Variants in OTUD7B observed in about 807,000 individuals in gnomAD.
OTUD7B encodes OTU deubiquitinase 7B, also known as OTU domain-containing protein 7B.
Under a neutral mutation model 82.2 loss-of-function variants are expected in OTUD7B, and 34 were observed. That is an observed-to-expected ratio of 0.41 (90% confidence interval 0.31 to 0.55). The LOEUF (loss-of-function observed/expected upper bound fraction) is 0.55. Among genes scored for constraint, OTUD7B ranks in the 20% least tolerant of loss-of-function variants. The pLI is 0.20. For missense variants in OTUD7B, 944 were observed against 1,062.1 expected, an observed-to-expected ratio of 0.89 and a Z score of 1.55; for synonymous variants, 398 against 402.7, an observed-to-expected ratio of 0.99 and a Z score of 0.14.
At chr1:149,985,557 G>A (rs1651072484) in intron 1 of OTUD7B, among the ~76,000 whole-genome samples, 1 of 152,046 alleles carries the variant, frequency 6.6e-6, no homozygotes, top group African/African-American at 2.4e-5. Context: ...GAGCAATGTA[G>A]CAAGAACCCA....
chr1:149,940,811 A>G lies in OTUD7B; in HGVS notation c.*3046T>C, dbSNP rs1321096534. 5 of 151,862 alleles carry G rather than the reference A, an allele frequency of 3.3e-5. No homozygotes were observed. Among genetic ancestry groups the G allele is most frequent in the African/African-American group, 1.2e-4 (5 of 41,286 alleles). 9.4% of individuals were successfully genotyped at this position (151,862 alleles called of 1,614,324 possible). A position where few individuals can be genotyped will look rare whatever the true frequency, so the allele number is the denominator to read the frequency against. Reference sequence around the variant, plus strand: ...CTCTTCTATTCCCTCATCTTCCCAAAATACCACAAACCAAGCTGAATCTAT... The same window carrying G: ...CTCTTCTATTCCCTCATCTTCCCAAGATACCACAAACCAAGCTGAATCTAT... On this transcript the variant is annotated 3_prime_UTR_variant, in exon 12 of 12. Transcript: ENST00000581312.
chr1:149,968,678 T>C (rs191199805), intron 3 of OTUD7B, among the ~76,000 whole-genome samples: 208 of 152,310 alleles, frequency 1.4e-3, no homozygotes, highest in African/African-American at 1.5e-3. Context: ...AGTTATCTTA[T>C]AGTGATGTTA....
Position 149,944,515 on chromosome 1 carries a change from T to C in OTUD7B, c.1874A>G (p.Glu625Gly), listed in dbSNP as rs1553771476. Residue 625 changes from glutamate to glycine, a missense_variant, in exon 12 of 12, where the codon GAG becomes GGG. By Grantham distance (98) the Glu-to-Gly change is moderately conservative. Transcript: ENST00000581312. ...AGAAAGGTAGCGCTGGATCATTTCC[T>C]CCTGATACTGGTGACGGTGACCCAT... ...LKMGHRHQYQEEMIQRYLSDA... is the reference protein window; with the variant it reads ...LKMGHRHQYQGEMIQRYLSDA... 3.1e-6 allele frequency: 5 copies of C among 1,614,148 alleles called. No homozygotes were observed. The highest frequency in any genetic ancestry group is 4.2e-6 in the Non-Finnish European group (5 of 1,180,028).
At chr1:149,958,035 C>T (rs1391470242) in intron 7 of OTUD7B, among the ~76,000 whole-genome samples, 1 of 152,198 alleles carries the variant, frequency 6.6e-6, no homozygotes, top group Admixed American at 6.5e-5. Flanking sequence ...TGGGCTATAC[C>T]CACTGTCCAA....
At chr1:150,019,357 TTTTGTTTGTTTG>T in the OTUD7B span, among the ~76,000 whole-genome samples, 4 of 151,916 alleles carry the variant, frequency 2.6e-5, no homozygotes, top group East Asian at 3.9e-4. Flanking sequence ...ATTGTCTTTG[TTTTGTTTGTTTG>T]TTTGTTTGTT....
chr1:149,967,666 T>C, intron 3 of OTUD7B, 145 bp from the exon 4 acceptor site: 1 of 546,562 alleles, frequency 1.8e-6, no homozygotes, highest in Admixed American at 3.7e-5. Flanking sequence ...GAACCCTTTT[T>C]CTGAAGCCAA....
the OTUD7B span, among the ~76,000 whole-genome samples, chr1:150,043,336 C>T: frequency 2.0e-5 from 3 of 152,096 alleles, no homozygotes; most frequent in South Asian, 2.1e-4. Flanking sequence ...TTTAAAGGAA[C>T]GTAGGATATT....
chr1:150,066,793 C>T, the OTUD7B span, among the ~76,000 whole-genome samples: 1 of 152,204 alleles, frequency 6.6e-6, no homozygotes. The surrounding 1 kb of genome is among the most constrained non-coding windows in gnomAD (Gnocchi z 4.6). Flanking sequence ...TCGACAAATG[C>T]CATGATAGAG....
intron 1 of OTUD7B, among the ~76,000 whole-genome samples, chr1:149,987,613 T>C (rs1202855199): frequency 6.6e-6 from 1 of 152,100 alleles, no homozygotes; most frequent in African/African-American, 2.4e-5. Flanking sequence ...TTCCATACAC[T>C]CTCACTCCAC....
At chr1:149,961,357 T>G (rs1205841568) in intron 6 of OTUD7B, 2 of 152,162 alleles carry the variant, frequency 1.3e-5, no homozygotes, top group African/African-American at 2.4e-5. Context: ...TTGTTGTTGT[T>G]TTTTTGTTTG....
At chr1:150,024,014 C>T in the OTUD7B span, among the ~76,000 whole-genome samples, 1 of 152,188 alleles carries the variant, frequency 6.6e-6, no homozygotes, top group Non-Finnish European at 1.5e-5. Context: ...AGTACTATTA[C>T]CTTCCTAATT....
chr1:150,045,864 CAG>C, the OTUD7B span, among the ~76,000 whole-genome samples: 1 of 152,076 alleles, frequency 6.6e-6, no homozygotes, highest in East Asian at 1.9e-4. Flanking sequence ...ATTTATCTTA[CAG>C]AGGATATAAA....
At chr1:150,054,581 G>A in the OTUD7B span, 2 of 408,774 alleles carry the variant, frequency 4.9e-6, no homozygotes, top group Non-Finnish European at 9.6e-6. Flanking sequence ...GCCAAAGCAG[G>A]CAAATCACTT....
At chr1:149,985,076 T>A (rs1651037371) in intron 1 of OTUD7B, among the ~76,000 whole-genome samples, 1 of 152,190 alleles carries the variant, frequency 6.6e-6, no homozygotes, top group Non-Finnish European at 1.5e-5. Flanking sequence ...TTCTAAATTC[T>A]TCAATGGATT....
At position 149,941,369 on chromosome 1, in the gene OTUD7B, T is replaced by G. The variant is rs1362410023; in HGVS notation, c.*2488A>C. 1 of 152,270 alleles carries G rather than the reference T, an allele frequency of 6.6e-6. No individual in the cohort carries two copies. Among genetic ancestry groups the G allele is most frequent in the African/African-American group, 2.4e-5 (1 of 41,412 alleles). 9.4% of individuals were successfully genotyped at this position (152,270 alleles called of 1,614,324 possible). The stretch of plus-strand genomic sequence containing the variant: ...CATTCTATGATATGAAGGCCTAAAT[T>G]AGGAAAGCTAGGTGAGCTGTGCAAA... On this transcript the variant is annotated 3_prime_UTR_variant, in exon 12 of 12. Transcript: ENST00000581312.
chr1:149,968,677 A>G (rs1553777110), intron 3 of OTUD7B, among the ~76,000 whole-genome samples: 2 of 152,198 alleles, frequency 1.3e-5, no homozygotes, highest in African/African-American at 4.8e-5. Flanking sequence ...AAGTTATCTT[A>G]TAGTGATGTT....
intron 6 of OTUD7B, among the ~76,000 whole-genome samples, chr1:149,960,735 C>A (rs1455554228): frequency 1.3e-5 from 2 of 151,770 alleles, no homozygotes; most frequent in Non-Finnish European, 2.9e-5. Flanking sequence ...GAGACTGCCA[C>A]CTGCCCATGG....
intron 1 of OTUD7B, among the ~76,000 whole-genome samples, chr1:150,003,836 T>C (rs1346082954): frequency 6.6e-6 from 1 of 152,172 alleles, no homozygotes; most frequent in Non-Finnish European, 1.5e-5. Flanking sequence ...AGGCCATGAA[T>C]TGCAAAACTG....
chr1:149,977,578 T>C lies in OTUD7B; in HGVS notation c.-66-2A>G. Reference sequence around the variant, plus strand: ...ATAGATCAAAATTCAGGCCTCCACCTGAGGAATAAATAAATACATAAGGCT... The same window carrying C: ...ATAGATCAAAATTCAGGCCTCCACCCGAGGAATAAATAAATACATAAGGCT... On this transcript the variant is annotated splice_acceptor_variant, in intron 1 of 11. Transcript: ENST00000581312. LOFTEE classifies it low-confidence loss of function (5UTR_SPLICE). The C allele has an allele frequency of 9.1e-7, 1 of 1,101,776 alleles. No individual in the cohort carries two copies. Among genetic ancestry groups the C allele is most frequent in the South Asian group, 1.2e-5 (1 of 80,250 alleles). The allele number at this position is 1,101,776 out of a possible 1,614,324, so 68.2% of individuals were successfully genotyped here.
Sources: allele counts gnomAD v4.1 joint callset (sites outside exome capture counted in the v4.1 genomes callset), GRCh38; gene constraint gnomAD v4.1.1; non-coding constraint Gnocchi (gnomAD v3.1); transcripts MANE v1.5; gene names NCBI Gene and HGNC (gene_info 2026-07-23, HGNC 2026-07-21).